Variants in BAHCC1 observed in about 807,000 individuals in gnomAD.
BAHCC1 encodes BAH domain and coiled-coil containing 1.
Under a neutral mutation model 88.2 loss-of-function variants are expected in BAHCC1, and 43 were observed. The observed-to-expected ratio is 0.49, with a 90% confidence interval of 0.38 to 0.63. The LOEUF is 0.63. BAHCC1 is among the 20% of genes least tolerant of loss of function. The probability of loss-of-function intolerance (pLI) is 0.00; values close to 1 mark genes in which losing one functional copy is unlikely to be tolerated. For synonymous variants in BAHCC1, 1,510 were observed against 745.5 expected, an observed-to-expected ratio of 2.03 and a Z score of -16.71; for missense variants, 3,023 against 1,654.8, an observed-to-expected ratio of 1.83 and a Z score of -14.34.
chr17:81,412,095 T>C (rs1183386822), intron 2 of BAHCC1, among the ~76,000 whole-genome samples: 1 of 152,186 alleles, frequency 6.6e-6, no homozygotes, highest in Non-Finnish European at 1.5e-5. Context: ...GTGAGCTGGC[T>C]GTGGAGTGGC....
In BAHCC1 at chr17:81,399,505, C is replaced by A; in HGVS notation, c.-206-29C>A. 3.2e-6 allele frequency: 1 copy of A among 310,776 alleles called. No individual in the cohort carries two copies. 19.3% of individuals were successfully genotyped at this position (310,776 alleles called of 1,614,324 possible). On this transcript the variant is annotated intron_variant, in intron 1 of 27. Transcript: ENST00000675386. The surrounding 1 kb of genome is among the most constrained non-coding windows in gnomAD (Gnocchi z 4.5). ...CGGGCGAGCCGAGCCCCCCAGTCAC[C>A]CGTGTCTCCTCTGCTTTTGCCTCCA...
intron 2 of BAHCC1, among the ~76,000 whole-genome samples, chr17:81,403,169 G>C (rs1018014472): frequency 2.0e-5 from 3 of 152,190 alleles, no homozygotes; most frequent in Admixed American, 1.3e-4. Context: ...GCCCCGGCCT[G>C]GGGAGAGGCC....
rs2064458422 is a variant in BAHCC1, at chr17:81,443,274, A to T, written c.1925A>T (p.Gln642Leu). 1 of 779,492 alleles carries T rather than the reference A, an allele frequency of 1.3e-6. No individual in the cohort carries two copies. The highest frequency in any genetic ancestry group is 2.4e-5 in the East Asian group (1 of 41,242). The allele number at this position is 779,492 out of a possible 1,614,324, so 48.3% of individuals were successfully genotyped here. A position where few individuals can be genotyped will look rare whatever the true frequency, so the allele number is the denominator to read the frequency against. Residue 642 changes from glutamine (Q) to leucine (L), a missense_variant, in exon 5 of 28, where the codon CAG (glutamine) becomes CTG (leucine). Coordinates refer to ENST00000675386, the MANE Select transcript of BAHCC1 (RefSeq NM_001377448.1). Reference protein sequence around the residue: ...AMKNLLKYSSQALVVGQKAPL... With the variant: ...AMKNLLKYSSLALVVGQKAPL... ...AAGAACCTGCTCAAATACAGCAGCC[A>T]GGCCCTGGTGGTGGGCCAGAAAGCA...
In BAHCC1 at chr17:81,451,810, G is replaced by A; in HGVS notation, c.4119G>A (p.Arg1373=). 1.3e-6 allele frequency: 1 copy of A among 759,462 alleles called. No individual in the cohort carries two copies. The highest frequency in any genetic ancestry group is 2.4e-6 in the Non-Finnish European group (1 of 414,708). The allele number at this position is 759,462 out of a possible 1,614,324, so 47.0% of individuals were successfully genotyped here. A position where few individuals can be genotyped will look rare whatever the true frequency, so the allele number is the denominator to read the frequency against. The stretch of plus-strand genomic sequence containing the variant: ...CAGCCAACCCCTGCAGCGGCCCCAG[G>A]CTCACCCCCCGCATGCAGATCCTGC... The part of the protein sequence containing the change: ...PPTANPCSGP[R]LTPRMQILQR... Residue 1373 remains arginine, a synonymous_variant, in exon 12 of 28, where the codon AGG becomes AGA. Transcript: ENST00000675386.
At chr17:81,446,726 A>G (rs1598493373) in intron 10 of BAHCC1, 2 of 514,470 alleles carry the variant, frequency 3.9e-6, no homozygotes, top group South Asian at 1.6e-5. Context: ...TTGTTCTTTA[A>G]TTTTTTTGTA....
intron 2 of BAHCC1, among the ~76,000 whole-genome samples, chr17:81,423,076 TCA>T (rs1555649789): frequency 6.6e-6 from 1 of 151,986 alleles, no homozygotes; most frequent in Non-Finnish European, 1.5e-5. Context: ...GCGGGCACCT[TCA>T]CCCCCTGCCC....
rs782754701 is a variant in BAHCC1 at position 81,458,687 on chromosome 17, C to T, written c.5410C>T (p.Arg1804Trp). ...CGCCAAGGCCATCCTGGGGAAGGGC[C>T]GGAAGCTGAGCAAGGTGAAGCACAA... The part of the protein sequence containing the change: ...RNAKAILGKG[R>W]KLSKVKHKAG... The change falls in exon 19 of 28, where the codon CGG becomes TGG. Residue 1804 changes from arginine (R) to tryptophan (W), a missense_variant. Physicochemically the swap from Arg to Trp is moderately radical, Grantham distance 101 (BLOSUM62 -3). Coordinates refer to ENST00000675386, the MANE Select transcript of BAHCC1 (RefSeq NM_001377448.1). 36 of 725,940 alleles carry T rather than the reference C, an allele frequency of 5.0e-5. No homozygotes were observed. Among genetic ancestry groups the T allele is most frequent in the Non-Finnish European group, 6.2e-5 (24 of 390,190 alleles). The allele number at this position is 725,940 out of a possible 1,614,324, so 45.0% of individuals were successfully genotyped here.
rs931440133 is a variant in BAHCC1, at chr17:81,435,259, C to A, written c.359-3111C>A. ...CATTGTGTCCCCCGCCCAGCCCACG[C>A]GTGGCCCCCTGGCTTTACTAACCCA... On this transcript the variant is annotated intron_variant, in intron 3 of 27. Transcript: ENST00000675386. This position sits in a 1 kb window ranked among gnomAD's most constrained non-coding sequence, Gnocchi z 4.4. Among the ~76,000 whole-genome samples the A allele has an allele frequency of 2.6e-5, 4 of 152,154 alleles. No homozygotes were observed. The highest frequency in any genetic ancestry group is 3.9e-4 in the East Asian group (2 of 5,184).
Position 81,399,268 on chromosome 17 carries a change from C to A in BAHCC1, c.-206-266C>A. 1 of 384,536 alleles carries A rather than the reference C, an allele frequency of 2.6e-6. No individual in the cohort carries two copies. Among genetic ancestry groups the A allele is most frequent in the Non-Finnish European group, 5.3e-6 (1 of 190,278 alleles). 23.8% of individuals were successfully genotyped at this position (384,536 alleles called of 1,614,324 possible). ...CCGCGGGGACGAGAACGGGAGGCGG[C>A]GAGCAGTGCGGCTGGGTTCCCCCGG... On this transcript the variant is annotated intron_variant, in intron 1 of 27. Coordinates refer to ENST00000675386, the MANE Select transcript of BAHCC1 (RefSeq NM_001377448.1). This position sits in a 1 kb window ranked among gnomAD's most constrained non-coding sequence, Gnocchi z 4.5.
At position 81,442,707 on chromosome 17, in the gene BAHCC1, G is replaced by C. The variant is rs201429848; in HGVS notation, c.1358G>C (p.Arg453Pro). The change falls in exon 5 of 28, where the codon CGG becomes CCG. Residue 453 changes from arginine (R) to proline (P), a missense_variant. By Grantham distance (103) the Arg-to-Pro change is moderately radical. Coordinates refer to ENST00000675386, the MANE Select transcript of BAHCC1 (RefSeq NM_001377448.1). ...AAGGCCGAGGGCAAGGGCGAGCGGC[G>C]GCCTGGGGGCTTTGAGGCGGCCCTC... is the stretch of plus-strand genomic sequence containing the variant. ...HLKAEGKGER[R>P]PGGFEAALNP... 132 of 774,912 alleles carry C rather than the reference G, an allele frequency of 1.7e-4. 1 individual carries two copies. Among genetic ancestry groups the C allele is most frequent in the Non-Finnish European group, 2.6e-4 (107 of 416,034 alleles). 48.0% of individuals were successfully genotyped at this position (774,912 alleles called of 1,614,324 possible). A position where few individuals can be genotyped will look rare whatever the true frequency, so the allele number is the denominator to read the frequency against.
In BAHCC1 at chr17:81,447,419, G is replaced by C. The variant is rs1555654821; in HGVS notation, c.3547G>C (p.Glu1183Gln). The C allele has an allele frequency of 1.3e-6, 1 of 745,598 alleles. No homozygotes were observed. The highest frequency in any genetic ancestry group is 2.5e-6 in the Non-Finnish European group (1 of 400,904). The allele number at this position is 745,598 out of a possible 1,614,324, so 46.2% of individuals were successfully genotyped here. A position where few individuals can be genotyped will look rare whatever the true frequency, so the allele number is the denominator to read the frequency against. ...TCATTCTACTCAGGGAGGGGCACGA[G>C]AAGAGAGGAGCAGGGAGGAGGGGGA... Reference protein sequence around the residue: ...QAHSTQGGAREERSREEGEQG... With the variant: ...QAHSTQGGARQERSREEGEQG... The change falls in exon 11 of 28, where the codon GAA (glutamate) becomes CAA (glutamine). Residue 1183 changes from glutamate to glutamine, a missense_variant. Physicochemically the swap from Glu to Gln is conservative, Grantham distance 29. Transcript: ENST00000675386.
chr17:81,453,372 C>T (rs1450001796), intron 14 of BAHCC1, among the ~76,000 whole-genome samples: 1 of 152,274 alleles, frequency 6.6e-6, no homozygotes, highest in Non-Finnish European at 1.5e-5. Context: ...TGCATAAATC[C>T]TCCGAGCTCC....
rs374895255 is a variant in BAHCC1, at chr17:81,458,647, G to T, written c.5370G>T (p.Thr1790=). Residue 1790 remains threonine (T), a synonymous_variant, in exon 19 of 28, where the codon ACG becomes ACT. Transcript: ENST00000675386. Reference sequence around the variant, plus strand: ...GGAAGAACGGGGCCCTGTCCATCACGCTGGCCACACGCAACGCCAAGGCCA... The same window carrying T: ...GGAAGAACGGGGCCCTGTCCATCACTCTGGCCACACGCAACGCCAAGGCCA... The part of the protein sequence containing the change: ...LRRKNGALSI[T]LATRNAKAIL... The T allele has an allele frequency of 2.8e-6, 2 of 719,092 alleles. No individual in the cohort carries two copies. The highest frequency in any genetic ancestry group is 1.7e-5 in the African/African-American group (1 of 57,480). 44.5% of individuals were successfully genotyped at this position (719,092 alleles called of 1,614,324 possible). A position where few individuals can be genotyped will look rare whatever the true frequency, so the allele number is the denominator to read the frequency against.
intron 4 of BAHCC1, among the ~76,000 whole-genome samples, chr17:81,441,331 T>TTATG (rs1555652475): frequency 6.6e-6 from 1 of 152,158 alleles, no homozygotes; most frequent in East Asian, 1.9e-4. Context: ...ATGGGAAATT[T>TTATG]TATGTTACCC....
chr17:81,406,967 C>G lies in BAHCC1; in HGVS notation c.178+7050C>G, dbSNP rs1555647029. The stretch of plus-strand genomic sequence containing the variant: ...TTTTTTTCATTCTGACCTGCTGTGG[C>G]GAGGAAGGGAGGGACAAACAGGTGG... On this transcript the variant is annotated intron_variant, in intron 2 of 27. Coordinates refer to ENST00000675386, the MANE Select transcript of BAHCC1 (RefSeq NM_001377448.1). 3 of 456,272 alleles carry G rather than the reference C, an allele frequency of 6.6e-6. No individual in the cohort carries two copies. In the Admixed American group the frequency reaches 7.0e-5, roughly 11 times the overall value. The allele number at this position is 456,272 out of a possible 1,614,324, so 28.3% of individuals were successfully genotyped here.
At chr17:81,432,299 G>T (rs1330561240) in intron 3 of BAHCC1, among the ~76,000 whole-genome samples, 1 of 152,098 alleles carries the variant, frequency 6.6e-6, no homozygotes, top group East Asian at 1.9e-4. Flanking sequence ...GTGTGGGGCT[G>T]GCTGGTGTCA....
chr17:81,441,790 C>A (rs1201958187), intron 4 of BAHCC1, 41 bp from the exon 5 acceptor site: 5 of 564,916 alleles, frequency 8.9e-6, no homozygotes, highest in Non-Finnish European at 1.6e-5. Flanking sequence ...TCCAGCCTCA[C>A]CCCTAAGGCC....
chr17:81,426,947 C>T lies in BAHCC1; in HGVS notation c.326C>T (p.Thr109Ile), dbSNP rs982573441. The T allele has an allele frequency of 1.2e-4, 49 of 398,590 alleles. No homozygotes were observed. The highest frequency in any genetic ancestry group is 6.2e-4 in the Middle Eastern group (1 of 1,608). The allele number at this position is 398,590 out of a possible 1,614,324, so 24.7% of individuals were successfully genotyped here. Reference sequence around the variant, plus strand: ...GCCTACCGTGGCTCCCACCCCACCACCTCCCAGATCTGGTTCTCCCACTCC... The same window carrying T: ...GCCTACCGTGGCTCCCACCCCACCATCTCCCAGATCTGGTTCTCCCACTCC... ...EQAYRGSHPT[T>I]SQIWFSHSHE... The change falls in exon 3 of 28, where the codon ACC (threonine) becomes ATC (isoleucine). Residue 109 changes from threonine to isoleucine, a missense_variant. Thr to Ile is a moderately conservative substitution (Grantham distance 89). Coordinates refer to ENST00000675386, the MANE Select transcript of BAHCC1 (RefSeq NM_001377448.1).
At chr17:81,445,214 C>A in intron 9 of BAHCC1, 36 bp downstream of exon 9, 1 of 740,502 alleles carries the variant, frequency 1.4e-6, no homozygotes, top group South Asian at 1.4e-5. Flanking sequence ...GGGCCGGGCA[C>A]TTCTCCCCAA....
Sources: gnomAD v4.1 joint callset for allele counts (sites outside exome capture counted in the v4.1 genomes callset) on GRCh38, gnomAD v4.1.1 for gene constraint, Gnocchi (gnomAD v3.1) non-coding constraint, MANE v1.5 for transcripts, NCBI Gene and HGNC (gene_info 2026-07-23, HGNC 2026-07-21) for gene names.